Variants in MYH6 observed in about 807,000 individuals in gnomAD.
MYH6 encodes myosin-6.
A neutral mutation model predicts 223.2 loss-of-function variants in MYH6; 126 were observed. The observed-to-expected ratio is 0.56, with a 90% CI of 0.49 to 0.65. The LOEUF is 0.65. Ranked by LOEUF, MYH6 falls within the 30% of genes least tolerant of loss-of-function variation. The pLI is 0.00. For synonymous variants in MYH6, 978 were observed against 1,010.2 expected (o/e 0.97, Z 0.61); for missense variants, 2,040 against 2,536.4 (o/e 0.80, Z 4.20).
chr14:23,400,194 T>G (rs770660999), intron 14 of MYH6, 62 bp downstream of exon 14: 117 of 1,613,384 alleles, frequency 7.3e-5, no homozygotes, highest in Non-Finnish European at 9.3e-5. Context: ...TAGAAGGGAC[T>G]CAGCCACCAC....
Position 23,388,851 on chromosome 14 carries a change from G to A in MYH6, c.4175+8C>T. On this transcript the variant is annotated splice_region_variant and intron_variant, in intron 29 of 38. Transcript: ENST00000405093. The stretch of plus-strand genomic sequence containing the variant: ...GAGAGTCAGGTTAAGGGGGTATCTG[G>A]AGCTCACTTGGCCTCTTCGAGCTCC... 6.2e-7 allele frequency: 1 copy of A among 1,613,824 alleles called. No individual in the cohort carries two copies. The highest frequency in any genetic ancestry group is 8.5e-7 in the Non-Finnish European group (1 of 1,180,038).
In MYH6 at chr14:23,389,007, C is replaced by T. The variant is rs761711033; in HGVS notation, c.4027G>A (p.Asp1343Asn). 8.7e-5 allele frequency: 140 copies of T among 1,607,934 alleles called. 2 individuals carry two copies. The South Asian group carries it at 1.2e-3, about 14-fold the overall frequency. Residue 1343 changes from aspartate to asparagine, a missense_variant, in exon 29 of 39, where the codon GAC (aspartate) becomes AAC (asparagine). Around this residue, in one of 4 missense-constraint regions of MYH6, gnomAD observed 1,203 missense variants for 1,400.2 expected, o/e 0.86. Transcript: ENST00000405093. The part of the protein sequence containing the change: ...HALQSARHDC[D>N]LLREQYEEET... Reference sequence around the variant, plus strand: ...TCCTCGTACTGCTCCCGCAGCAGGTCGCAGTCATGCCGGGCCGACTGCAGT... The same window carrying T: ...TCCTCGTACTGCTCCCGCAGCAGGTTGCAGTCATGCCGGGCCGACTGCAGT...
Position 23,407,319 on chromosome 14 carries a change from C to G in MYH6, c.-13-83G>C, listed in dbSNP as rs1891822242. On this transcript the variant is annotated intron_variant, in intron 2 of 38. Transcript: ENST00000405093. The surrounding 1 kb of genome is among the most constrained non-coding windows in gnomAD (Gnocchi z 5.6). ...GGCTTTGTCCTCTGCAGCCCCCCTC[C>G]CTACCCCCGCTCCTCTCCTCCACCC... 4.0e-6 allele frequency: 6 copies of G among 1,497,272 alleles called. No homozygotes were observed. In the East Asian group the frequency reaches 9.1e-5, roughly 23 times the overall value. The allele number at this position is 1,497,272 out of a possible 1,614,324, so 92.7% of individuals were successfully genotyped here. A position where few individuals can be genotyped will look rare whatever the true frequency, so the allele number is the denominator to read the frequency against.
intron 25 of MYH6, 126 bp downstream of exon 25, chr14:23,392,436 G>A: frequency 1.2e-6 from 1 of 804,656 alleles, no homozygotes; most frequent in Non-Finnish European, 2.3e-6. Flanking sequence ...TGTAAGTCAG[G>A]GATGGTTGGG....
At chr14:23,397,935 T>TTCTTCTTCTTCTTCC (rs1891455747) in intron 15 of MYH6, among the ~76,000 whole-genome samples, 3 of 57,752 alleles carry the variant, frequency 5.2e-5, no homozygotes, top group African/African-American at 2.1e-4. Context: ...CCTCCTCCTC[T>TTCTTCTTCTTCTTCC]TCTTCTTCTT....
chr14:23,386,612 C>T lies in MYH6; in HGVS notation c.4662G>A (p.Glu1554=). The change falls in exon 33 of 39, where the codon GAG becomes GAA. Residue 1554 remains glutamate (E), a synonymous_variant. Transcript: ENST00000405093. The part of the protein sequence containing the change: ...SALEEAEASL[E]HEEGKILRAQ... ...CCCGGAGGATCTTGCCCTCCTCGTG[C>T]TCCAGGGAGGCCTGGGAAGGGGTGG... 2 of 1,610,212 alleles carry T rather than the reference C, an allele frequency of 1.2e-6. No individual in the cohort carries two copies. The highest frequency in any genetic ancestry group is 1.7e-6 in the Non-Finnish European group (2 of 1,177,228).
intron 25 of MYH6, 57 bp downstream of exon 25, chr14:23,392,505 C>T (rs900750639): frequency 7.8e-7 from 1 of 1,279,892 alleles, no homozygotes; most frequent in Non-Finnish European, 1.1e-6. Context: ...CTGCTGCAGC[C>T]TCAGTTACCT....
At position 23,388,313 on chromosome 14, in the gene MYH6, C is replaced by G; in HGVS notation, c.4201G>C (p.Asp1401His). The G allele has an allele frequency of 6.2e-7, 1 of 1,613,326 alleles. No homozygotes were observed. The highest frequency in any genetic ancestry group is 8.5e-7 in the Non-Finnish European group (1 of 1,180,026). Residue 1401 changes from aspartate to histidine, a missense_variant, in exon 30 of 39, where the codon GAT (aspartate) becomes CAT (histidine). Physicochemically the swap from Asp to His is moderately conservative, Grantham distance 81 (BLOSUM62 -1). Coordinates refer to ENST00000405093, the MANE Select transcript of MYH6 (RefSeq NM_002471.4). ...ACAGCCTCCACGGCCTCCTCGGCATCCTGCAGCCGCTGGGCCAGCTTCTTT... is the reference window on the plus strand; with the variant it reads ...ACAGCCTCCACGGCCTCCTCGGCATGCTGCAGCCGCTGGGCCAGCTTCTTT... The part of the protein sequence containing the change: ...AKKKLAQRLQ[D>H]AEEAVEAVNA...
chr14:23,394,447 C>G (rs904573292), intron 20 of MYH6, 124 bp from the exon 21 acceptor site: 16 of 1,237,404 alleles, frequency 1.3e-5, no homozygotes, highest in African/African-American at 3.0e-5. Flanking sequence ...TCCAACATCA[C>G]TACACTGAAC....
chr14:23,398,735 G>A lies in MYH6; in HGVS notation c.1884C>T (p.Ala628=), dbSNP rs771423826. ...MATLFSSYAT[A]DTGDSGKSKG... is the part of the protein sequence containing the mutation. ...CAGGGGCTGCCTGCTTACCAGTATCGGCAGTTGCGTAGGAGGAGAAGAGAG... is the reference window on the plus strand; with the variant it reads ...CAGGGGCTGCCTGCTTACCAGTATCAGCAGTTGCGTAGGAGGAGAAGAGAG... The change falls in exon 15 of 39, where the codon GCC becomes GCT. Residue 628 remains alanine, a synonymous_variant. Coordinates refer to ENST00000405093, the MANE Select transcript of MYH6 (RefSeq NM_002471.4). 1.4e-5 allele frequency: 23 copies of A among 1,614,008 alleles called. No individual in the cohort carries two copies. The highest frequency in any genetic ancestry group is 8.0e-5 in the African/African-American group (6 of 74,920).
Position 23,393,356 on chromosome 14 carries a change from G to C in MYH6, c.3091C>G (p.Gln1031Glu). 3 of 1,614,168 alleles carry C rather than the reference G, an allele frequency of 1.9e-6. No homozygotes were observed. The highest frequency in any genetic ancestry group is 2.5e-6 in the Non-Finnish European group (3 of 1,180,014). The change falls in exon 23 of 39, where the codon CAG (glutamine) becomes GAG (glutamate). Residue 1031 changes from glutamine to glutamate, a missense_variant. Physicochemically the swap from Gln to Glu is conservative, Grantham distance 29 (BLOSUM62 2). Transcript: ENST00000405093. Reference sequence around the variant, plus strand: ...TTACTACTCACATCATCCACCTGCTGCTCCAGCTTGACCTTAGACTTGGAC... The same window carrying C: ...TTACTACTCACATCATCCACCTGCTCCTCCAGCTTGACCTTAGACTTGGAC... Reference protein sequence around the residue: ...SLSKSKVKLEQQVDDLEGSLE... With the variant: ...SLSKSKVKLEEQVDDLEGSLE...
chr14:23,383,452 G>T, intron 36 of MYH6, 132 bp from the exon 37 acceptor site: 1 of 726,426 alleles, frequency 1.4e-6, no homozygotes, highest in Non-Finnish European at 2.3e-6. Context: ...TCAAAGAGGT[G>T]GTGGGGAAGA....
intron 21 of MYH6, 72 bp from the exon 22 acceptor site, chr14:23,393,980 C>T (rs2138599334): frequency 3.7e-6 from 6 of 1,613,800 alleles, no homozygotes; most frequent in African/African-American, 1.3e-5. Flanking sequence ...AGAGCTGGCA[C>T]TCCTAGACTC....
In MYH6 at chr14:23,390,320, C is replaced by T. The variant is rs755974106; in HGVS notation, c.3469G>A (p.Gly1157Arg). 2.6e-5 allele frequency: 42 copies of T among 1,607,088 alleles called. No homozygotes were observed. Among genetic ancestry groups the T allele is most frequent in the Admixed American group, 6.7e-5 (4 of 59,654 alleles). Residue 1157 changes from glycine to arginine, a missense_variant, in exon 26 of 39, where the codon GGG (glycine) becomes AGG (arginine). Around this residue, in one of 4 missense-constraint regions of MYH6, gnomAD observed 1,203 missense variants for 1,400.2 expected, o/e 0.86. Transcript: ENST00000405093. ...ATCTCGATCTGCACGGACGTGGCCC[C>T]GCCGGCCTCTTCCAGCCGCTCGCTG... is the stretch of plus-strand genomic sequence containing the variant. Reference protein sequence around the residue: ...EISERLEEAGGATSVQIEMNK... With the variant: ...EISERLEEAGRATSVQIEMNK...
At chr14:23,391,282 C>A (rs942549213) in intron 25 of MYH6, among the ~76,000 whole-genome samples, 1 of 152,182 alleles carries the variant, frequency 6.6e-6, no homozygotes, top group African/African-American at 2.4e-5. Context: ...AGAGGACCAC[C>A]ATGCCTCTGC....
At chr14:23,400,539 A>G in intron 13 of MYH6, 113 bp from the exon 14 acceptor site, 1 of 1,587,394 alleles carries the variant, frequency 6.3e-7, no homozygotes, top group East Asian at 2.3e-5. Context: ...CCTCCATGTC[A>G]GGGCAGTGGA....
Position 23,390,091 on chromosome 14 carries a change from A to G in MYH6, c.3698T>C (p.Val1233Ala), listed in dbSNP as rs758062295. The change falls in exon 26 of 39, where the codon GTC becomes GCC. Residue 1233 changes from valine (V) to alanine (A), a missense_variant. Physicochemically the swap from Val to Ala is moderately conservative, Grantham distance 64. Around this residue, in one of 4 missense-constraint regions of MYH6, gnomAD observed 1,203 missense variants for 1,400.2 expected, o/e 0.86. Transcript: ENST00000405093. The part of the protein sequence containing the change: ...KSEFKLELDD[V>A]TSNMEQIIKA... ...GATGATCTGCTCCATGTTGGAGGTGACGTCATCCAGCTCCAGCTTGAACTC... is the reference window on the plus strand; with the variant it reads ...GATGATCTGCTCCATGTTGGAGGTGGCGTCATCCAGCTCCAGCTTGAACTC... The G allele has an allele frequency of 6.2e-6, 10 of 1,612,840 alleles. No individual in the cohort carries two copies. The highest frequency in any genetic ancestry group is 7.6e-6 in the Non-Finnish European group (9 of 1,179,736).
chr14:23,400,125 G>T, intron 14 of MYH6, 131 bp downstream of exon 14: 1 of 1,367,816 alleles, frequency 7.3e-7, no homozygotes, highest in Admixed American at 1.9e-5. Flanking sequence ...ACTTCACAGT[G>T]GGGAGAAGCT....
intron 25 of MYH6, among the ~76,000 whole-genome samples, chr14:23,391,895 CT>C (rs1271597895): frequency 6.6e-6 from 1 of 152,184 alleles, no homozygotes; most frequent in Non-Finnish European, 1.5e-5. Flanking sequence ...AAAACAATAC[CT>C]TCTTAGGCTA....
Sources: allele counts gnomAD v4.1 joint callset (sites outside exome capture counted in the v4.1 genomes callset), GRCh38; gene constraint gnomAD v4.1.1; regional missense constraint gnomAD v4.1.1; non-coding constraint Gnocchi (gnomAD v3.1); transcripts MANE v1.5; gene names NCBI Gene and HGNC (gene_info 2026-07-23, HGNC 2026-07-21).